FBXW2: variants seen among roughly 807,000 people sequenced by gnomAD.
The protein encoded by FBXW2 is F-box/WD repeat-containing protein 2.
Under a neutral mutation model 46.0 loss-of-function variants are expected in FBXW2, and 12 were observed. The ratio of observed to expected loss-of-function variants is 0.26; its 90% CI spans 0.17 to 0.42. The LOEUF (loss-of-function observed/expected upper bound fraction) is 0.42, where lower values mean the gene tolerates loss of function less well. Ranked by LOEUF, FBXW2 falls within the 10% of genes least tolerant of loss-of-function variation. FBXW2 has a pLI of 1.00. For synonymous variants in FBXW2, 203 were observed against 209.6 expected, an observed-to-expected ratio of 0.97 and a Z score of 0.27; for missense variants, 360 against 537.0, an observed-to-expected ratio of 0.67 and a Z score of 3.26.
chr9:120,793,299 G>C, intron 1 of FBXW2, 42 bp from the exon 2 acceptor site: 2 of 449,310 alleles, frequency 4.5e-6, no homozygotes, highest in Non-Finnish European at 7.8e-6. Flanking sequence ...CGGGTCAGCA[G>C]AGCCGCGGGC....
chr9:120,765,811 G>T (rs1028535799), intron 7 of FBXW2, among the ~76,000 whole-genome samples: 1 of 152,096 alleles, frequency 6.6e-6, no homozygotes, highest in Non-Finnish European at 1.5e-5. Flanking sequence ...AACTAGGGAA[G>T]AAACAACTAG....
intron 5 of FBXW2, among the ~76,000 whole-genome samples, chr9:120,775,137 A>G (rs1490012992): frequency 6.6e-6 from 1 of 151,752 alleles, no homozygotes; most frequent in Non-Finnish European, 1.5e-5. Context: ...GGCTCACTGC[A>G]ACCTCCGCCT....
intron 3 of FBXW2, among the ~76,000 whole-genome samples, chr9:120,780,139 GAAA>G (rs1158936856): frequency 3.2e-5 from 3 of 94,770 alleles, no homozygotes; most frequent in African/African-American, 3.9e-5. Context: ...CCACCTCAAA[GAAA>G]AAAAAAAAAA....
In FBXW2 at chr9:120,776,145, G is replaced by A. The variant is rs2044491180; in HGVS notation, c.767C>T (p.Ser256Phe). The A allele has an allele frequency of 6.2e-7, 1 of 1,614,014 alleles. No individual in the cohort carries two copies. Among genetic ancestry groups the A allele is most frequent in the African/African-American group, 1.3e-5 (1 of 74,894 alleles). ...ADFTVKVWAL[S>F]AGTCLNTLTG... ...GAGTGTGTTCAGGCATGTCCCAGCA[G>A]ATAAAGCCCATACTTTCACAGTGAA... The change falls in exon 5 of 8, where the codon TCT (serine) becomes TTT (phenylalanine). Residue 256 changes from serine to phenylalanine, a missense_variant. Physicochemically the swap from Ser to Phe is radical, Grantham distance 155. Transcript: ENST00000608872.
In FBXW2 at chr9:120,762,648, G is replaced by C. The variant is rs574296781; in HGVS notation, c.*1911C>G. ...TCAGAGGTCCAGAGTCTGGCTCTAT[G>C]CTAATGCAGATTCTGCAAGAGATAG... On this transcript the variant is annotated 3_prime_UTR_variant, in exon 8 of 8. Transcript: ENST00000608872. 1 of 152,340 alleles carries C rather than the reference G, an allele frequency of 6.6e-6. No homozygotes were observed. The highest frequency in any genetic ancestry group is 2.4e-5 in the African/African-American group (1 of 41,570). 9.4% of individuals were successfully genotyped at this position (152,340 alleles called of 1,614,324 possible).
intron 7 of FBXW2, among the ~76,000 whole-genome samples, chr9:120,770,046 A>G (rs2044343933): frequency 6.6e-6 from 1 of 152,192 alleles, no homozygotes; most frequent in Non-Finnish European, 1.5e-5. Context: ...TATTGTGATC[A>G]GATCCACACG....
Position 120,793,142 on chromosome 9 carries a change from C to T in FBXW2, c.-21+7G>A. On this transcript the variant is annotated splice_region_variant and intron_variant, in intron 2 of 7. Coordinates refer to ENST00000608872, the MANE Select transcript of FBXW2 (RefSeq NM_012164.4). The stretch of plus-strand genomic sequence containing the variant: ...GCTCTCGGAATCGTGTTCCGCGCGG[C>T]ACTGACCTGAGCGAGCGCCCCGGGG... The T allele has an allele frequency of 1.6e-6, 1 of 628,040 alleles. No individual in the cohort carries two copies. Among genetic ancestry groups the T allele is most frequent in the South Asian group, 2.0e-5 (1 of 50,942 alleles). 38.9% of individuals were successfully genotyped at this position (628,040 alleles called of 1,614,324 possible). A position where few individuals can be genotyped will look rare whatever the true frequency, so the allele number is the denominator to read the frequency against.
intron 3 of FBXW2, among the ~76,000 whole-genome samples, chr9:120,783,637 C>T (rs1564460658): frequency 1.3e-5 from 2 of 152,276 alleles, no homozygotes; most frequent in African/African-American, 2.4e-5. Context: ...CACACAGAGA[C>T]TTTTACCTCA....
chr9:120,778,606 TC>T (rs1265323154), intron 3 of FBXW2, 61 bp from the exon 4 acceptor site: 1 of 1,420,110 alleles, frequency 7.0e-7, no homozygotes, highest in African/African-American at 1.4e-5. Context: ...GGAAAATCAA[TC>T]CCAAAATCAT....
chr9:120,766,589 C>T (rs1410337224), intron 7 of FBXW2, among the ~76,000 whole-genome samples: 7 of 152,066 alleles, frequency 4.6e-5, no homozygotes, highest in East Asian at 1.9e-4. Flanking sequence ...CTCAGCCTCC[C>T]GAGTAGCTGG....
At chr9:120,766,665 A>T (rs911215208) in intron 7 of FBXW2, among the ~76,000 whole-genome samples, 1 of 152,036 alleles carries the variant, frequency 6.6e-6, no homozygotes. Flanking sequence ...AGGTTTTACC[A>T]TGTTGGCGAG....
In FBXW2 at chr9:120,757,105, CAA is replaced by C. The variant is rs1588016193; in HGVS notation, c.*7452_*7453del. Reference sequence around the variant, plus strand: ...ATGGGTAAAAGATGCAGACAGAATTCAAGAGATACAAATAAGCACACATAAAA... The same window carrying C: ...ATGGGTAAAAGATGCAGACAGAATTCGAGATACAAATAAGCACACATAAAA... On this transcript the variant is annotated 3_prime_UTR_variant, in exon 8 of 8. Transcript: ENST00000608872. The C allele has an allele frequency of 6.6e-6, 1 of 152,216 alleles. No homozygotes were observed. Among genetic ancestry groups the C allele is most frequent in the East Asian group, 1.9e-4 (1 of 5,192 alleles). The allele number at this position is 152,216 out of a possible 1,614,324, so 9.4% of individuals were successfully genotyped here. A position where few individuals can be genotyped will look rare whatever the true frequency, so the allele number is the denominator to read the frequency against.
rs115502938 is a variant in FBXW2, at chr9:120,766,305, A to G, written c.1077-1458T>C. On this transcript the variant is annotated intron_variant, in intron 7 of 7. Coordinates refer to ENST00000608872, the MANE Select transcript of FBXW2 (RefSeq NM_012164.4). ...ATGTGTAAGAGACAGCCCAGACATTATAAGCTTTAGAAGACAGAACTAGGA... is the reference window on the plus strand; with the variant it reads ...ATGTGTAAGAGACAGCCCAGACATTGTAAGCTTTAGAAGACAGAACTAGGA... Among the ~76,000 whole-genome samples the G allele has an allele frequency of 5.5e-3, 839 of 152,330 alleles. 11 individuals are homozygous for G. The highest frequency in any genetic ancestry group is 0.019 in the African/African-American group (791 of 41,568).
rs757085775 is a variant in FBXW2, at chr9:120,776,118, G to A, written c.794C>T (p.Thr265Ile). The change falls in exon 5 of 8, where the codon ACC becomes ATC. Residue 265 changes from threonine to isoleucine, a missense_variant. By Grantham distance (89) the Thr-to-Ile change is moderately conservative. Transcript: ENST00000608872. Reference protein sequence around the residue: ...LSAGTCLNTLTGHTEWVTKVV... With the variant: ...LSAGTCLNTLIGHTEWVTKVV... ...CTTGGTGACCCATTCCGTGTGCCCGGTGAGTGTGTTCAGGCATGTCCCAGC... is the reference window on the plus strand; with the variant it reads ...CTTGGTGACCCATTCCGTGTGCCCGATGAGTGTGTTCAGGCATGTCCCAGC... 6.2e-7 allele frequency: 1 copy of A among 1,613,958 alleles called. No individual in the cohort carries two copies. The highest frequency in any genetic ancestry group is 1.7e-5 in the Admixed American group (1 of 59,986).
Position 120,761,020 on chromosome 9 carries a change from C to T in FBXW2, c.*3539G>A, listed in dbSNP as rs2044189441. 6.6e-6 allele frequency: 1 copy of T among 152,188 alleles called. No individual in the cohort carries two copies. The highest frequency in any genetic ancestry group is 6.5e-5 in the Admixed American group (1 of 15,282). 9.4% of individuals were successfully genotyped at this position (152,188 alleles called of 1,614,324 possible). On this transcript the variant is annotated 3_prime_UTR_variant, in exon 8 of 8. Transcript: ENST00000608872. ...CCTTACAATTTCATAGCAATGTTCC[C>T]CACGTTTCACTCATGAACAGCTATC...
At chr9:120,773,399 A>C (rs1040002355) in intron 5 of FBXW2, among the ~76,000 whole-genome samples, 26 of 152,352 alleles carry the variant, frequency 1.7e-4, no homozygotes, top group African/African-American at 6.3e-4. Context: ...ACTTGGGACC[A>C]GAATCTGCCA....
intron 3 of FBXW2, among the ~76,000 whole-genome samples, chr9:120,785,142 G>C (rs1305157600): frequency 5.3e-5 from 8 of 151,510 alleles, no homozygotes; most frequent in African/African-American, 1.9e-4. Flanking sequence ...CCAAGTAGTT[G>C]GGACCACAGG....
intron 7 of FBXW2, among the ~76,000 whole-genome samples, chr9:120,766,149 G>C (rs1424695242): frequency 6.6e-6 from 1 of 152,150 alleles, no homozygotes; most frequent in African/African-American, 2.4e-5. Flanking sequence ...GTTCAAGAGA[G>C]CAACCAGAAT....
chr9:120,781,849 C>G (rs563684510), intron 3 of FBXW2, among the ~76,000 whole-genome samples: 2 of 151,806 alleles, frequency 1.3e-5, no homozygotes, highest in East Asian at 3.9e-4. Context: ...GTGGAGAAAT[C>G]CCATCTCTAA....
Sources: gnomAD v4.1 joint callset for allele counts (sites outside exome capture counted in the v4.1 genomes callset) on GRCh38, gnomAD v4.1.1 for gene constraint, MANE v1.5 for transcripts, NCBI Gene and HGNC (gene_info 2026-07-23, HGNC 2026-07-21) for gene names.